Variants in PTPRD observed in about 807,000 individuals in gnomAD.
PTPRD encodes receptor-type tyrosine-protein phosphatase delta.
PTPRD carries 34 observed loss-of-function variants against 214.5 expected under a neutral mutation model. That is an observed-to-expected ratio of 0.16 (90% CI 0.12 to 0.21). PTPRD has a LOEUF of 0.21. Among genes scored for constraint, PTPRD ranks in the 10% least tolerant of loss-of-function variants. The pLI is 1.00. For synonymous variants in PTPRD, 1,128 were observed against 845.7 expected (o/e 1.33, Z -5.79); for missense variants, 2,545 against 2,398.7 (o/e 1.06, Z -1.27).
chr9:8,919,708 T>C lies in PTPRD; in HGVS notation c.-104+98989A>G, dbSNP rs1478694761. Among the ~76,000 whole-genome samples, 3 of 151,784 alleles carry C rather than the reference T, an allele frequency of 2.0e-5. No homozygotes were observed. In the East Asian group the frequency reaches 5.8e-4, roughly 29 times the overall value. ...ATTTATACATGCATGTATACACGTA[T>C]CCAACTGCAGTCACGCATGCATGCA... is the stretch of plus-strand genomic sequence containing the variant. On this transcript the variant is annotated intron_variant, in intron 11 of 45. Transcript: ENST00000381196.
chr9:8,795,691 A>G lies in PTPRD; in HGVS notation c.-103-61745T>C, dbSNP rs1029678480. Among the ~76,000 whole-genome samples, 4 of 152,164 alleles carry G rather than the reference A, an allele frequency of 2.6e-5. No homozygotes were observed. The East Asian group carries it at 7.7e-4, about 29-fold the overall frequency. On this transcript the variant is annotated intron_variant, in intron 11 of 45. Transcript: ENST00000381196. ...TAAGAATAGATTGCAATGTCCTTTT[A>G]AGACAGTCCAAAAATTTTAGAGTTA...
intron 39 of PTPRD, among the ~76,000 whole-genome samples, chr9:8,363,241 T>C (rs975181053): frequency 4.1e-4 from 63 of 152,330 alleles, no homozygotes; most frequent in Middle Eastern, 6.8e-3. Context: ...CACTCTTAGC[T>C]TGGAGGACAG....
At chr9:10,317,213 T>C (rs1425530382) in intron 3 of PTPRD, among the ~76,000 whole-genome samples, 2 of 151,918 alleles carry the variant, frequency 1.3e-5, no homozygotes, top group African/African-American at 4.8e-5. Flanking sequence ...AAAATATAAT[T>C]GGGGGCTAGT....
chr9:8,990,684 G>C (rs1183419405), intron 11 of PTPRD, among the ~76,000 whole-genome samples: 2 of 152,096 alleles, frequency 1.3e-5, no homozygotes, highest in Non-Finnish European at 2.9e-5. Context: ...TTCTGTGTAG[G>C]AGATGGCCAT....
intron 2 of PTPRD, among the ~76,000 whole-genome samples, chr9:10,364,759 T>G (rs1198686344): frequency 6.6e-6 from 1 of 151,892 alleles, no homozygotes; most frequent in Non-Finnish European, 1.5e-5. Flanking sequence ...GGGTTCACAT[T>G]AATTTTCACT....
intron 35 of PTPRD, among the ~76,000 whole-genome samples, chr9:8,410,284 G>T (rs944551432): frequency 2.0e-5 from 3 of 152,188 alleles, no homozygotes; most frequent in African/African-American, 7.2e-5. Context: ...ACTGAAATGT[G>T]AGGAAGGAGT....
chr9:10,181,656 T>C (rs2099288753), intron 3 of PTPRD, among the ~76,000 whole-genome samples: 1 of 151,894 alleles, frequency 6.6e-6, no homozygotes, highest in Non-Finnish European at 1.5e-5. Context: ...TAAGATATCA[T>C]TGTACTTCTG....
At chr9:8,958,782 A>G (rs1013810012) in intron 11 of PTPRD, 5 of 152,020 alleles carry the variant, frequency 3.3e-5, no homozygotes, top group Admixed American at 6.6e-5. Flanking sequence ...AGAAGCATGT[A>G]GTCTTAATTG....
At chr9:10,025,604 C>T (rs1423272834) in intron 4 of PTPRD, among the ~76,000 whole-genome samples, 1 of 152,124 alleles carries the variant, frequency 6.6e-6, no homozygotes, top group Admixed American at 6.5e-5. Context: ...GGGTGTTTGG[C>T]TGAGCACATT....
At chr9:8,723,824 T>C (rs571728136) in intron 12 of PTPRD, among the ~76,000 whole-genome samples, 1 of 152,310 alleles carries the variant, frequency 6.6e-6, no homozygotes, top group South Asian at 2.1e-4. Flanking sequence ...GTTTAGTAGA[T>C]TTGTTATACT....
intron 3 of PTPRD, among the ~76,000 whole-genome samples, chr9:10,329,391 A>G (rs1445371663): frequency 6.6e-6 from 1 of 151,840 alleles, no homozygotes; most frequent in Non-Finnish European, 1.5e-5. Context: ...ATTTAAGAGT[A>G]GTAATACTAT....
chr9:9,757,069 T>C (rs2098593918), intron 6 of PTPRD, among the ~76,000 whole-genome samples: 1 of 152,206 alleles, frequency 6.6e-6, no homozygotes, highest in African/African-American at 2.4e-5. Flanking sequence ...TCTTAGATGG[T>C]CTACTTAGTA....
intron 36 of PTPRD, among the ~76,000 whole-genome samples, chr9:8,402,567 T>C (rs1349378870): frequency 1.3e-5 from 2 of 152,190 alleles, no homozygotes; most frequent in East Asian, 3.9e-4. Flanking sequence ...CTTACATTCA[T>C]TTATTTTATT....
chr9:9,221,319 A>C (rs1448932254), intron 9 of PTPRD, among the ~76,000 whole-genome samples: 1 of 152,122 alleles, frequency 6.6e-6, no homozygotes, highest in Admixed American at 6.6e-5. Context: ...TTCTGGTTAC[A>C]CTGGCTTCCT....
chr9:9,804,284 T>C (rs1340142765), intron 5 of PTPRD, among the ~76,000 whole-genome samples: 1 of 152,092 alleles, frequency 6.6e-6, no homozygotes, highest in African/African-American at 2.4e-5. Flanking sequence ...AAAATAGCAG[T>C]ACACTGCACT....
At chr9:9,872,650 G>T (rs995931062) in intron 5 of PTPRD, among the ~76,000 whole-genome samples, 2 of 152,044 alleles carry the variant, frequency 1.3e-5, no homozygotes, top group African/African-American at 4.8e-5. Flanking sequence ...CAAGGAGATA[G>T]AATTACATGA....
chr9:8,443,018 G>C (rs2095599307), intron 34 of PTPRD, among the ~76,000 whole-genome samples: 1 of 152,210 alleles, frequency 6.6e-6, no homozygotes, highest in South Asian at 2.1e-4. Flanking sequence ...TGTGGCACAT[G>C]CCTGTGGTCC....
chr9:10,575,164 T>A (rs1394443494), intron 2 of PTPRD, among the ~76,000 whole-genome samples: 1 of 152,066 alleles, frequency 6.6e-6, no homozygotes, highest in East Asian at 1.9e-4. Flanking sequence ...TATTTGACAC[T>A]GTAGACATCA....
chr9:10,190,646 A>G (rs2099359724), intron 3 of PTPRD, among the ~76,000 whole-genome samples: 1 of 145,448 alleles, frequency 6.9e-6, no homozygotes, highest in Admixed American at 7.1e-5. Context: ...TGAACCTGGA[A>G]GGCAGAAAGT....
Sources: allele counts gnomAD v4.1 joint callset (sites outside exome capture counted in the v4.1 genomes callset), GRCh38; gene constraint gnomAD v4.1.1; transcripts MANE v1.5; gene names NCBI Gene and HGNC (gene_info 2026-07-23, HGNC 2026-07-21).